The following FBXL20 variants were observed in gnomAD, a reference collection of about 807,000 sequenced individuals.
FBXL20 encodes F-box/LRR-repeat protein 20.
Under a neutral mutation model 64.0 loss-of-function variants are expected in FBXL20, and 11 were observed. The observed-to-expected ratio is 0.17, with a 90% CI of 0.11 to 0.28. The LOEUF is 0.28. Among genes scored for constraint, FBXL20 ranks in the 10% least tolerant of loss-of-function variants. FBXL20 has a pLI of 1.00. For missense variants in FBXL20, 303 were observed against 526.2 expected (o/e 0.58, Z 4.15); for synonymous variants, 184 against 189.0 (o/e 0.97, Z 0.22).
intron 2 of FBXL20, among the ~76,000 whole-genome samples, chr17:39,312,604 C>T (rs1328467250): frequency 1.9e-5 from 2 of 104,758 alleles, no homozygotes; most frequent in Non-Finnish European, 3.6e-5. Flanking sequence ...GATGGAGTCT[C>T]ACTCTGTCCC....
At chr17:39,384,473 C>T (rs1470458671) in intron 1 of FBXL20, among the ~76,000 whole-genome samples, 1 of 151,212 alleles carries the variant, frequency 6.6e-6, no homozygotes, top group African/African-American at 2.4e-5. Flanking sequence ...TGTAGTGAGC[C>T]GAGATCACGT....
At chr17:39,374,203 C>T (rs1234593202) in intron 1 of FBXL20, among the ~76,000 whole-genome samples, 2 of 147,892 alleles carry the variant, frequency 1.4e-5, no homozygotes, top group African/African-American at 2.5e-5. Context: ...CTAGCCTGGG[C>T]GACAAAGCAA....
intron 3 of FBXL20, 27 bp from the exon 4 acceptor site, chr17:39,301,102 G>A (rs1482287467): frequency 2.5e-6 from 4 of 1,599,444 alleles, no homozygotes; most frequent in South Asian, 1.1e-5. Flanking sequence ...GAGACAGAAT[G>A]AGCAGAAGCT....
chr17:39,301,130 G>A, intron 3 of FBXL20, 55 bp from the exon 4 acceptor site: 2 of 1,521,116 alleles, frequency 1.3e-6, no homozygotes, highest in Non-Finnish European at 1.8e-6. Context: ...AGGGGAAAAG[G>A]CAGCAATATT....
chr17:39,264,804 A>G (rs1209238979), intron 13 of FBXL20, among the ~76,000 whole-genome samples: 1 of 152,186 alleles, frequency 6.6e-6, no homozygotes, highest in Non-Finnish European at 1.5e-5. Context: ...TTAGCTGAAG[A>G]TTTTTACAGC....
intron 1 of FBXL20, among the ~76,000 whole-genome samples, chr17:39,383,999 C>T (rs987067154): frequency 2.0e-5 from 3 of 151,882 alleles, no homozygotes; most frequent in Admixed American, 2.0e-4. Context: ...TTTGGGAGGC[C>T]AAGGCAGGAG....
chr17:39,285,606 A>G, intron 6 of FBXL20, 33 bp from the exon 7 acceptor site: 1 of 1,413,106 alleles, frequency 7.1e-7, no homozygotes, highest in Non-Finnish European at 9.8e-7. Flanking sequence ...AATAATGAAT[A>G]AACAAGACAA....
At chr17:39,394,650 C>T (rs1342375850) in intron 1 of FBXL20, among the ~76,000 whole-genome samples, 1 of 151,582 alleles carries the variant, frequency 6.6e-6, no homozygotes, top group Non-Finnish European at 1.5e-5. Flanking sequence ...CTGCAACCTT[C>T]GCCTCCCGGT....
At chr17:39,359,282 G>A (rs1206709248) in intron 1 of FBXL20, among the ~76,000 whole-genome samples, 1 of 152,194 alleles carries the variant, frequency 6.6e-6, no homozygotes, top group Non-Finnish European at 1.5e-5. Context: ...GTTGCAGTGA[G>A]CCAGGATTAT....
chr17:39,294,010 C>T (rs545613222), intron 6 of FBXL20, among the ~76,000 whole-genome samples: 1 of 152,082 alleles, frequency 6.6e-6, no homozygotes, highest in South Asian at 2.1e-4. Context: ...AATCACATGG[C>T]TCATTCATTT....
chr17:39,290,765 G>A (rs554893719), intron 6 of FBXL20, among the ~76,000 whole-genome samples: 1 of 152,028 alleles, frequency 6.6e-6, no homozygotes, highest in African/African-American at 2.4e-5. Context: ...GTCCCACTAC[G>A]TTGCCCAAGC....
intron 6 of FBXL20, among the ~76,000 whole-genome samples, chr17:39,286,105 C>T (rs1304199430): frequency 6.6e-6 from 1 of 152,130 alleles, no homozygotes; most frequent in Non-Finnish European, 1.5e-5. Flanking sequence ...CTTTTTTCTG[C>T]TGGTCAAGTT....
At chr17:39,328,443 G>C (rs1428738102) in intron 2 of FBXL20, among the ~76,000 whole-genome samples, 2 of 152,028 alleles carry the variant, frequency 1.3e-5, no homozygotes, top group African/African-American at 4.8e-5. Context: ...CATATTCAAA[G>C]GACAAAGGAC....
rs9944481 is a variant in FBXL20 at position 39,330,258 on chromosome 17, T to C, written c.104+12922A>G. 2.4e-3 allele frequency among the ~76,000 whole-genome samples: 358 copies of C among 146,344 alleles called. 3 individuals are homozygous for C. Among genetic ancestry groups the C allele is most frequent in the African/African-American group, 7.8e-3 (308 of 39,258 alleles). ...GTTGCAGTGAGCCAAAATTGTGCCA[T>C]TGCGCTCCAGCCTGGGCAACAGAGC... On this transcript the variant is annotated intron_variant, in intron 2 of 14. Transcript: ENST00000264658.
chr17:39,303,599 C>A lies in FBXL20; in HGVS notation c.145G>T (p.Ala49Ser). 1 of 1,610,694 alleles carries A rather than the reference C, an allele frequency of 6.2e-7. No homozygotes were observed. The highest frequency in any genetic ancestry group is 8.5e-7 in the Non-Finnish European group (1 of 1,178,344). Residue 49 changes from alanine to serine, a missense_variant, in exon 3 of 15, where the codon GCT becomes TCT. By Grantham distance (99) the Ala-to-Ser change is moderately conservative. Coordinates refer to ENST00000264658, the MANE Select transcript of FBXL20 (RefSeq NM_032875.3). ...ACAATACTTACCCTGGAGACCTGAGCACAGCGGCACAGGGTAACAACATCT... is the reference window on the plus strand; with the variant it reads ...ACAATACTTACCCTGGAGACCTGAGAACAGCGGCACAGGGTAACAACATCT... ...FLDVVTLCRC[A>S]QVSRAWNVLA... is the part of the protein sequence containing the mutation.
At chr17:39,321,036 T>C (rs1406358382) in intron 2 of FBXL20, among the ~76,000 whole-genome samples, 1 of 152,226 alleles carries the variant, frequency 6.6e-6, no homozygotes, top group Non-Finnish European at 1.5e-5. Flanking sequence ...GAAACTAGTA[T>C]GTATTTGTTA....
intron 6 of FBXL20, among the ~76,000 whole-genome samples, chr17:39,295,168 C>T (rs1018549931): frequency 5.3e-5 from 8 of 152,086 alleles, no homozygotes; most frequent in Non-Finnish European, 1.0e-4. Flanking sequence ...GGGCTCATTA[C>T]ACGTTTTTGT....
intron 2 of FBXL20, among the ~76,000 whole-genome samples, chr17:39,341,013 G>GT (rs2047577985): frequency 1.3e-5 from 1 of 75,192 alleles, no homozygotes; most frequent in Non-Finnish European, 2.8e-5. Context: ...TTTTTTTTTT[G>GT]TAACATGGCA....
intron 1 of FBXL20, among the ~76,000 whole-genome samples, chr17:39,376,982 A>G (rs2047973294): frequency 6.6e-6 from 1 of 152,132 alleles, no homozygotes; most frequent in Non-Finnish European, 1.5e-5. Context: ...TAACTTTAGG[A>G]TAAACTGAGT....
Sources: gnomAD v4.1 joint callset for allele counts (sites outside exome capture counted in the v4.1 genomes callset) on GRCh38, gnomAD v4.1.1 for gene constraint, MANE v1.5 for transcripts, NCBI Gene and HGNC (gene_info 2026-07-23, HGNC 2026-07-21) for gene names.